EFNA5: variants seen among roughly 807,000 people sequenced by gnomAD.
The protein encoded by EFNA5 is ephrin A5.
A neutral mutation model predicts 22.9 loss-of-function variants in EFNA5; 5 were observed. That is an observed-to-expected ratio of 0.22 (90% CI 0.11 to 0.46). The LOEUF is 0.46. Ranked by LOEUF, EFNA5 falls within the 20% of genes least tolerant of loss-of-function variation. The pLI, the probability that EFNA5 is intolerant of heterozygous loss-of-function variation, is 0.99. For missense variants in EFNA5, 237 were observed against 293.3 expected, an observed-to-expected ratio of 0.81 and a Z score of 1.40; for synonymous variants, 113 against 112.2, an observed-to-expected ratio of 1.01 and a Z score of -0.04.
chr5:107,646,521 T>G (rs1050709183), intron 1 of EFNA5, among the ~76,000 whole-genome samples: 10 of 152,274 alleles, frequency 6.6e-5, no homozygotes, highest in African/African-American at 2.4e-4. Context: ...TGAGGTGAGA[T>G]AAATATTACT....
chr5:107,622,400 A>G (rs1313670859), intron 1 of EFNA5, among the ~76,000 whole-genome samples: 2 of 152,196 alleles, frequency 1.3e-5, no homozygotes, highest in Non-Finnish European at 2.9e-5. Context: ...TGGATATTTG[A>G]GTATGGGTAT....
intron 1 of EFNA5, among the ~76,000 whole-genome samples, chr5:107,517,663 G>A (rs1369877646): frequency 6.6e-6 from 1 of 152,170 alleles, no homozygotes; most frequent in Non-Finnish European, 1.5e-5. Context: ...CATTATGTCT[G>A]AATCATGTTC....
intron 2 of EFNA5, among the ~76,000 whole-genome samples, chr5:107,417,407 G>A (rs1367863150): frequency 1.3e-5 from 2 of 152,062 alleles, no homozygotes; most frequent in African/African-American, 4.8e-5. Context: ...TGTTCCTAAT[G>A]TGGATTTTAT....
chr5:107,638,471 T>C (rs971944111), intron 1 of EFNA5, among the ~76,000 whole-genome samples: 4 of 152,108 alleles, frequency 2.6e-5, no homozygotes, highest in Admixed American at 2.0e-4. Context: ...TTGTATAGAG[T>C]TGACCTACTG....
chr5:107,544,550 T>C (rs960437730), intron 1 of EFNA5, among the ~76,000 whole-genome samples: 3 of 152,146 alleles, frequency 2.0e-5, no homozygotes, highest in African/African-American at 7.2e-5. Context: ...AAAGTAGCAC[T>C]TGGAAAAAGC....
intron 1 of EFNA5, among the ~76,000 whole-genome samples, chr5:107,653,005 A>C (rs2112554151): frequency 6.6e-6 from 1 of 152,226 alleles, no homozygotes. Flanking sequence ...AGGGATGCCA[A>C]GGCACTTAGG....
chr5:107,622,612 T>C (rs918417818), intron 1 of EFNA5, among the ~76,000 whole-genome samples: 1 of 152,206 alleles, frequency 6.6e-6, no homozygotes, highest in Non-Finnish European at 1.5e-5. Flanking sequence ...TCGGTTTACC[T>C]ACGTTCTCTA....
chr5:107,441,433 AC>A (rs1749254996), intron 1 of EFNA5, among the ~76,000 whole-genome samples: 1 of 152,076 alleles, frequency 6.6e-6, no homozygotes, highest in African/African-American at 2.4e-5. Flanking sequence ...CTGCAGAAAC[AC>A]CTTTTCCTTC....
rs114761476 is a variant in EFNA5, at chr5:107,605,922, G to C, written c.125+64567C>G. On this transcript the variant is annotated intron_variant, in intron 1 of 4. Coordinates refer to ENST00000333274, the MANE Select transcript of EFNA5 (RefSeq NM_001962.3). ...GCACTGAATAAAATGGTTTTCCAGG[G>C]GATGGAGTATCACTCTCATTTTAAT... Among the ~76,000 whole-genome samples the C allele has an allele frequency of 9.1e-3, 1,387 of 152,222 alleles. 21 individuals carry two copies. The highest frequency in any genetic ancestry group is 0.031 in the African/African-American group (1,289 of 41,524).
chr5:107,505,833 C>T (rs1747240010), intron 1 of EFNA5, among the ~76,000 whole-genome samples: 2 of 151,556 alleles, frequency 1.3e-5, no homozygotes, highest in Non-Finnish European at 1.5e-5. Flanking sequence ...TTTTTCTCTC[C>T]CCCCCACCTT....
chr5:107,599,548 T>C (rs1040118516), intron 1 of EFNA5, among the ~76,000 whole-genome samples: 1 of 152,246 alleles, frequency 6.6e-6, no homozygotes, highest in African/African-American at 2.4e-5. Flanking sequence ...TTCTATCATG[T>C]TGCTGTTTGA....
chr5:107,436,189 C>A (rs1447544982), intron 1 of EFNA5, among the ~76,000 whole-genome samples: 1 of 152,210 alleles, frequency 6.6e-6, no homozygotes, highest in Non-Finnish European at 1.5e-5. Flanking sequence ...AAGGCCCAGG[C>A]CCACATAATG....
intron 1 of EFNA5, among the ~76,000 whole-genome samples, chr5:107,585,867 T>A (rs536297272): frequency 1.7e-3 from 258 of 152,308 alleles, no homozygotes; most frequent in African/African-American, 5.9e-3. Flanking sequence ...TGGAAGATAT[T>A]ATATGGTATA....
At chr5:107,540,889 G>A (rs1748031546) in intron 1 of EFNA5, among the ~76,000 whole-genome samples, 1 of 152,152 alleles carries the variant, frequency 6.6e-6, no homozygotes, top group Admixed American at 6.5e-5. Flanking sequence ...GGCAGAGGCG[G>A]GTGGATCAGG....
At chr5:107,446,198 A>G (rs945883912) in intron 1 of EFNA5, among the ~76,000 whole-genome samples, 5 of 152,220 alleles carry the variant, frequency 3.3e-5, no homozygotes, top group Admixed American at 6.5e-5. Flanking sequence ...GACTAAAAGT[A>G]CAGTGCTTTG....
chr5:107,604,149 A>T (rs2112514722), intron 1 of EFNA5, among the ~76,000 whole-genome samples: 1 of 152,312 alleles, frequency 6.6e-6, no homozygotes, highest in Non-Finnish European at 1.5e-5. Context: ...CTATAAGAGA[A>T]TGGCTATTCC....
chr5:107,631,699 A>T (rs1340290086), intron 1 of EFNA5, among the ~76,000 whole-genome samples: 3 of 152,126 alleles, frequency 2.0e-5, no homozygotes, highest in African/African-American at 7.2e-5. Context: ...TATTCTGATC[A>T]TTTTCAATTT....
chr5:107,605,937 C>T (rs1749703240), intron 1 of EFNA5, among the ~76,000 whole-genome samples: 1 of 152,166 alleles, frequency 6.6e-6, no homozygotes, highest in South Asian at 2.1e-4. Flanking sequence ...GAGTATCACT[C>T]TCATTTTAAT....
chr5:107,469,242 T>A (rs1314479799), intron 1 of EFNA5, among the ~76,000 whole-genome samples: 1 of 152,090 alleles, frequency 6.6e-6, no homozygotes, highest in Non-Finnish European at 1.5e-5. Context: ...TCAACTGCAG[T>A]TACACTTTCA....
Sources: gnomAD v4.1 joint callset for allele counts (sites outside exome capture counted in the v4.1 genomes callset) on GRCh38, gnomAD v4.1.1 for gene constraint, MANE v1.5 for transcripts, NCBI Gene and HGNC (gene_info 2026-07-23, HGNC 2026-07-21) for gene names.